TMEM143: variants seen among roughly 807,000 people sequenced by gnomAD.
TMEM143 encodes the protein transmembrane protein 143.
TMEM143 carries 45 observed loss-of-function variants against 40.3 expected under a neutral mutation model. That is an observed-to-expected ratio of 1.12 (90% CI 0.88 to 1.43). The LOEUF (loss-of-function observed/expected upper bound fraction) is 1.43, where lower values mean the gene tolerates loss of function less well. Among genes scored for constraint, TMEM143 ranks in the 40% most tolerant of loss-of-function variants. TMEM143 has a pLI of 0.00. For missense variants in TMEM143, 620 were observed against 613.4 expected (o/e 1.01, Z -0.11); for synonymous variants, 299 against 282.7 (o/e 1.06, Z -0.58).
chr19:48,344,037 C>T (rs1969569072), intron 4 of TMEM143, among the ~76,000 whole-genome samples: 1 of 151,978 alleles, frequency 6.6e-6, no homozygotes, highest in Non-Finnish European at 1.5e-5. Context: ...CAGGCACCCG[C>T]CACCATGCCT....
At chr19:48,346,930 T>A (rs929878072) in intron 3 of TMEM143, among the ~76,000 whole-genome samples, 4 of 152,146 alleles carry the variant, frequency 2.6e-5, no homozygotes, top group African/African-American at 9.7e-5. Context: ...AAGAACTTAC[T>A]GAGGCTGTAA....
At chr19:48,344,880 A>G (rs1051257017) in intron 4 of TMEM143, among the ~76,000 whole-genome samples, 2 of 151,916 alleles carry the variant, frequency 1.3e-5, no homozygotes, top group African/African-American at 4.8e-5. Context: ...ATAATTTTTT[A>G]TATTTTTAGT....
In TMEM143 at chr19:48,354,462, A is replaced by G. The variant is rs1969843234; in HGVS notation, c.369+5610T>C. 2.0e-5 allele frequency among the ~76,000 whole-genome samples: 3 copies of G among 151,788 alleles called. 1 individual carries two copies. In the South Asian group the frequency reaches 6.2e-4, roughly 32 times the overall value. On this transcript the variant is annotated intron_variant, in intron 3 of 7. Transcript: ENST00000293261. The stretch of plus-strand genomic sequence containing the variant: ...GTATTTTCAGTAAAGATGGGGTTTC[A>G]CCATGTTGGCCAAGCTGGTCTCGAA...
chr19:48,350,559 C>T (rs975530856), intron 3 of TMEM143, among the ~76,000 whole-genome samples: 2 of 152,208 alleles, frequency 1.3e-5, no homozygotes, highest in East Asian at 3.9e-4. Flanking sequence ...ACGATGCAGG[C>T]CCAGTTTCAC....
chr19:48,343,298 C>T, intron 5 of TMEM143, 23 bp downstream of exon 5: 1 of 1,605,758 alleles, frequency 6.2e-7, no homozygotes, highest in Non-Finnish European at 8.5e-7. Flanking sequence ...CTTGCTGCAG[C>T]TGGGGAACAA....
intron 3 of TMEM143, among the ~76,000 whole-genome samples, chr19:48,347,893 T>G (rs1969675793): frequency 6.7e-6 from 1 of 149,432 alleles, no homozygotes; most frequent in African/African-American, 2.5e-5. Flanking sequence ...CAATAGTGCA[T>G]GCCTGTGGTC....
rs1453331967 is a variant in TMEM143 at position 48,334,252 on chromosome 19, C to T, written c.976-55G>A. On this transcript the variant is annotated intron_variant, in intron 6 of 7. Transcript: ENST00000293261. ...AGTTCGGGGTGCGCCCCCACCCATA[C>T]ACAGCCCCCGGGGTCACCCCCGCTG... is the stretch of plus-strand genomic sequence containing the variant. The T allele has an allele frequency of 1.4e-5, 21 of 1,516,014 alleles. No individual in the cohort carries two copies. The African/African-American group carries it at 2.6e-4, about 19-fold the overall frequency. 93.9% of individuals were successfully genotyped at this position (1,516,014 alleles called of 1,614,324 possible). A position where few individuals can be genotyped will look rare whatever the true frequency, so the allele number is the denominator to read the frequency against.
chr19:48,343,153 C>G, intron 5 of TMEM143, 168 bp downstream of exon 5: 1 of 873,504 alleles, frequency 1.1e-6, no homozygotes, highest in Non-Finnish European at 1.7e-6. Context: ...AAGTGTAGTA[C>G]TCACTTTCCC....
rs772972812 is a variant in TMEM143 at position 48,334,209 on chromosome 19, A to G, written c.976-12T>C. On this transcript the variant is annotated splice_polypyrimidine_tract_variant and intron_variant, in intron 6 of 7. Transcript: ENST00000293261. Reference sequence around the variant, plus strand: ...CGCTGCCCGAACATCTGCAGGCGGGACAGCGCCCCGTGGGCTCAGTTCGGG... The same window carrying G: ...CGCTGCCCGAACATCTGCAGGCGGGGCAGCGCCCCGTGGGCTCAGTTCGGG... 3.4e-5 allele frequency: 54 copies of G among 1,585,776 alleles called. No homozygotes were observed. The African/African-American group carries it at 5.1e-4, about 15-fold the overall frequency.
chr19:48,358,736 C>T lies in TMEM143; in HGVS notation c.369+1336G>A, dbSNP rs140392910. 4.2e-3 allele frequency among the ~76,000 whole-genome samples: 643 copies of T among 152,314 alleles called. 5 individuals are homozygous for T. The highest frequency in any genetic ancestry group is 7.8e-3 in the Non-Finnish European group (531 of 68,024). Reference sequence around the variant, plus strand: ...CTCTCCCCTAGACAAATATAATAGACTCTTTCATAGATGTCCCTGCCTCTG... The same window carrying T: ...CTCTCCCCTAGACAAATATAATAGATTCTTTCATAGATGTCCCTGCCTCTG... On this transcript the variant is annotated intron_variant, in intron 3 of 7. Transcript: ENST00000293261.
chr19:48,359,125 G>A (rs1019609559), intron 3 of TMEM143, among the ~76,000 whole-genome samples: 1 of 152,000 alleles, frequency 6.6e-6, no homozygotes, highest in Non-Finnish European at 1.5e-5. Flanking sequence ...AGCTGAGATC[G>A]CACCACTGCA....
At chr19:48,358,151 C>T (rs1305642496) in intron 3 of TMEM143, among the ~76,000 whole-genome samples, 7 of 152,074 alleles carry the variant, frequency 4.6e-5, no homozygotes, top group Admixed American at 4.6e-4. Flanking sequence ...TTTGGGAGGC[C>T]AAGGCAGGTA....
At chr19:48,343,105 G>A (rs1969542427) in intron 5 of TMEM143, 1 of 719,564 alleles carries the variant, frequency 1.4e-6, no homozygotes, top group Admixed American at 3.0e-5. Flanking sequence ...TGGAAAATGG[G>A]GAGAACTGTC....
chr19:48,360,589 A>AG (rs1476014249), intron 2 of TMEM143: 2 of 170,120 alleles, frequency 1.2e-5, no homozygotes, highest in African/African-American at 4.8e-5. Flanking sequence ...AAAAAAAAAA[A>AG]AAAAAGTTTT....
intron 3 of TMEM143, among the ~76,000 whole-genome samples, chr19:48,349,601 C>T (rs1007957843): frequency 3.3e-5 from 5 of 151,408 alleles, no homozygotes; most frequent in Non-Finnish European, 4.4e-5. Context: ...GCTGAGATCG[C>T]ACCAACTGCA....
chr19:48,334,127 T>C lies in TMEM143; in HGVS notation c.1046A>G (p.Asn349Ser), dbSNP rs1600890563. 1.2e-6 allele frequency: 2 copies of C among 1,607,028 alleles called. No individual in the cohort carries two copies. Among genetic ancestry groups the C allele is most frequent in the East Asian group, 2.2e-5 (1 of 44,614 alleles). Reference sequence around the variant, plus strand: ...CAGGGCGCTGAGCAGCTCCGAGTTGTTGGACGTACTGCGATAGTACAGCAT... The same window carrying C: ...CAGGGCGCTGAGCAGCTCCGAGTTGCTGGACGTACTGCGATAGTACAGCAT... ...AHMLYYRSTS[N>S]NSELLSALAL... is the part of the protein sequence containing the mutation. Residue 349 changes from asparagine (N) to serine (S), a missense_variant, in exon 7 of 8, where the codon AAC becomes AGC. Transcript: ENST00000293261.
intron 3 of TMEM143, among the ~76,000 whole-genome samples, chr19:48,348,894 G>A (rs1280145504): frequency 2.0e-5 from 3 of 152,154 alleles, no homozygotes; most frequent in African/African-American, 7.2e-5. Context: ...TCTTTAGGTT[G>A]GCTGGGCGCG....
intron 6 of TMEM143, among the ~76,000 whole-genome samples, chr19:48,339,647 CAG>C (rs748505932): frequency 1.4e-3 from 216 of 152,144 alleles, no homozygotes; most frequent in Admixed American, 3.1e-3. Flanking sequence ...GCAATGAAGA[CAG>C]AGATCTGGGA....
At chr19:48,348,566 A>G (rs1381512448) in intron 3 of TMEM143, among the ~76,000 whole-genome samples, 2 of 152,216 alleles carry the variant, frequency 1.3e-5, no homozygotes, top group Non-Finnish European at 2.9e-5. Flanking sequence ...ATCATCATCA[A>G]TGATAATGGT....
Sources: allele counts gnomAD v4.1 joint callset (sites outside exome capture counted in the v4.1 genomes callset), GRCh38; gene constraint gnomAD v4.1.1; transcripts MANE v1.5; gene names NCBI Gene and HGNC (gene_info 2026-07-23, HGNC 2026-07-21).